The following EPHA4 variants were observed in gnomAD, a reference collection of about 807,000 sequenced individuals.
EPHA4 encodes ephrin type-A receptor 4.
In EPHA4, 19 loss-of-function variants were observed where a neutral mutation model predicts 108.3. The ratio of observed to expected loss-of-function variants is 0.18; its 90% CI spans 0.12 to 0.26. The LOEUF (loss-of-function observed/expected upper bound fraction) is 0.26, where lower values mean the gene tolerates loss of function less well. Ranked by LOEUF, EPHA4 falls within the 10% of genes least tolerant of loss-of-function variation. The pLI, the probability that EPHA4 is intolerant of heterozygous loss-of-function variation, is 1.00. For synonymous variants in EPHA4, 449 were observed against 455.5 expected (o/e 0.99, Z 0.18); for missense variants, 917 against 1,254.0 (o/e 0.73, Z 4.06).
chr2:221,526,254 A>T lies in EPHA4; in HGVS notation c.824-25082T>A, dbSNP rs534189930. 2.0e-5 allele frequency among the ~76,000 whole-genome samples: 3 copies of T among 151,274 alleles called. No individual in the cohort carries two copies. The South Asian group carries it at 6.3e-4, about 32-fold the overall frequency. ...TCCGGCACTTTATATACATAATCAT[A>T]CTAAATATATAAGACACTTATGAAT... On this transcript the variant is annotated intron_variant, in intron 3 of 17. Transcript: ENST00000281821.
intron 1 of EPHA4, among the ~76,000 whole-genome samples, chr2:221,570,840 A>G (rs1694814125): frequency 6.6e-6 from 1 of 151,700 alleles, no homozygotes; most frequent in Admixed American, 6.6e-5. Context: ...ATATGGATGG[A>G]TGCATTATGG....
chr2:221,445,405 C>T (rs1199144736), intron 9 of EPHA4, among the ~76,000 whole-genome samples: 5 of 151,938 alleles, frequency 3.3e-5, no homozygotes, highest in East Asian at 2.0e-4. Flanking sequence ...CTGGCTAACA[C>T]GGTGAAATCC....
chr2:221,555,145 G>C (rs12991002), intron 3 of EPHA4, among the ~76,000 whole-genome samples: 46,254 of 152,058 alleles, frequency 0.3, 7,521 homozygotes, highest in African/African-American at 0.4. Flanking sequence ...AGGGGGGCCG[G>C]AGAGTGACAA....
intron 6 of EPHA4, among the ~76,000 whole-genome samples, chr2:221,457,441 T>TA (rs1324059042): frequency 6.6e-6 from 1 of 152,200 alleles, no homozygotes; most frequent in Non-Finnish European, 1.5e-5. Context: ...GTGATCTACT[T>TA]AAACAGATCA....
Position 221,418,562 on chromosome 2 carries a change from G to A in EPHA4, c.*2810C>T, listed in dbSNP as rs148914278. ...GATTGAATACAAGAGGTCTCAGAAT[G>A]CACACACCAGCAGTGTAGCGAGCAC... On this transcript the variant is annotated 3_prime_UTR_variant, in exon 18 of 18. Transcript: ENST00000281821. 2 of 152,712 alleles carry A rather than the reference G, an allele frequency of 1.3e-5. No individual in the cohort carries two copies. Among genetic ancestry groups the A allele is most frequent in the Non-Finnish European group, 2.9e-5 (2 of 68,016 alleles). 9.5% of individuals were successfully genotyped at this position (152,712 alleles called of 1,614,324 possible).
chr2:221,489,350 T>G (rs1002742786), intron 4 of EPHA4, among the ~76,000 whole-genome samples: 8 of 152,214 alleles, frequency 5.3e-5, no homozygotes, highest in African/African-American at 1.9e-4. Flanking sequence ...CTATTTCTCG[T>G]AACGACTGGA....
At chr2:221,464,309 C>T (rs1322615363) in intron 5 of EPHA4, among the ~76,000 whole-genome samples, 3 of 152,090 alleles carry the variant, frequency 2.0e-5, no homozygotes, top group Admixed American at 2.0e-4. Flanking sequence ...GGTTTTTGTT[C>T]CCATTTCTTT....
At chr2:221,424,995 T>C (rs962767108) in intron 17 of EPHA4, among the ~76,000 whole-genome samples, 2 of 152,092 alleles carry the variant, frequency 1.3e-5, no homozygotes, top group African/African-American at 2.4e-5. Flanking sequence ...CTGGGTCATA[T>C]GTCACTTCTC....
intron 4 of EPHA4, among the ~76,000 whole-genome samples, chr2:221,487,397 T>C (rs1433670904): frequency 6.6e-6 from 1 of 152,234 alleles, no homozygotes; most frequent in Non-Finnish European, 1.5e-5. Context: ...ATGTGGGTTC[T>C]ATCAAATAAG....
At chr2:221,515,215 C>T (rs530268774) in intron 3 of EPHA4, among the ~76,000 whole-genome samples, 3 of 152,280 alleles carry the variant, frequency 2.0e-5, no homozygotes, top group East Asian at 3.9e-4. Flanking sequence ...CCTCCCTCAG[C>T]CTCCCAAGTA....
intron 9 of EPHA4, among the ~76,000 whole-genome samples, chr2:221,444,580 C>T (rs1244283702): frequency 6.6e-6 from 1 of 151,918 alleles, no homozygotes; most frequent in Non-Finnish European, 1.5e-5. Context: ...TTTAAAAAAA[C>T]ATATATTCCA....
rs1303799779 is a variant in EPHA4, at chr2:221,456,769, G to A, written c.1447C>T (p.Gln483Ter). The change falls in exon 7 of 18, where the codon CAG becomes TAG. Residue 483 changes from glutamine (Q) to a stop codon, truncating the protein, a stop_gained. Coordinates refer to ENST00000281821, the MANE Select transcript of EPHA4 (RefSeq NM_004438.5). LOFTEE classifies it high-confidence loss of function. ...EYEVKYYEKD[Q>*]NERSYRIVRT... is the part of the protein sequence containing the mutation. ...ACTATACGATAGCTTCGCTCATTCT[G>A]ATCCTACATCATGGCAAGATAAAAT... is the stretch of plus-strand genomic sequence containing the variant. 1 of 1,613,268 alleles carries A rather than the reference G, an allele frequency of 6.2e-7. No homozygotes were observed. Among genetic ancestry groups the A allele is most frequent in the Non-Finnish European group, 8.5e-7 (1 of 1,179,558 alleles).
chr2:221,421,216 C>T (rs111519155), intron 17 of EPHA4, among the ~76,000 whole-genome samples: 20 of 150,582 alleles, frequency 1.3e-4, no homozygotes, highest in African/African-American at 3.5e-4. Context: ...AGGAGAATGG[C>T]GTGAACCTGG....
intron 17 of EPHA4, among the ~76,000 whole-genome samples, chr2:221,423,201 AAAGGTGTTATTATT>A (rs1286175761): frequency 6.6e-6 from 1 of 152,212 alleles, no homozygotes; most frequent in East Asian, 1.9e-4. Flanking sequence ...ATGCATTAGG[AAAGGTGTTATTATT>A]AAGGTATCAT....
At chr2:221,442,804 T>C in intron 11 of EPHA4, 25 bp downstream of exon 11, 1 of 1,611,462 alleles carries the variant, frequency 6.2e-7, no homozygotes, top group East Asian at 2.2e-5. Context: ...CTAGCTTGGC[T>C]TTGTAAAGGG....
intron 5 of EPHA4, among the ~76,000 whole-genome samples, chr2:221,480,239 C>G (rs576252968): frequency 6.6e-6 from 1 of 152,078 alleles, no homozygotes; most frequent in African/African-American, 2.4e-5. Context: ...CTGTCCTCAG[C>G]GCATCTCCCA....
At chr2:221,518,236 C>T (rs1456255647) in intron 3 of EPHA4, among the ~76,000 whole-genome samples, 1 of 152,142 alleles carries the variant, frequency 6.6e-6, no homozygotes, top group Non-Finnish European at 1.5e-5. Flanking sequence ...GAGCTCAGTC[C>T]TTATCCTCCA....
chr2:221,552,514 C>T (rs1224078316), intron 3 of EPHA4, among the ~76,000 whole-genome samples: 3 of 152,146 alleles, frequency 2.0e-5, no homozygotes, highest in African/African-American at 7.2e-5. Flanking sequence ...AAACTCTTCT[C>T]CCTTGGAAGA....
chr2:221,468,776 C>G (rs17379786), intron 5 of EPHA4, among the ~76,000 whole-genome samples: 1 of 152,178 alleles, frequency 6.6e-6, no homozygotes, highest in African/African-American at 2.4e-5. Context: ...ATATCAGATG[C>G]TTGATGATTT....
Sources: allele counts gnomAD v4.1 joint callset (sites outside exome capture counted in the v4.1 genomes callset), GRCh38; gene constraint gnomAD v4.1.1; transcripts MANE v1.5; gene names NCBI Gene and HGNC (gene_info 2026-07-23, HGNC 2026-07-21).